IL17RA: variants seen among roughly 807,000 people sequenced by gnomAD.
IL17RA encodes interleukin-17 receptor A.
In IL17RA, 34 loss-of-function variants were observed where a neutral mutation model predicts 50.4. The observed-to-expected ratio is 0.67, with a 90% confidence interval of 0.51 to 0.90. The LOEUF (loss-of-function observed/expected upper bound fraction) is 0.90. Ranked by LOEUF, IL17RA falls within the 40% of genes least tolerant of loss-of-function variation. IL17RA has a pLI of 0.00. For synonymous variants in IL17RA, 585 were observed against 510.4 expected (o/e 1.15, Z -1.97); for missense variants, 1,276 against 1,169.8 (o/e 1.09, Z -1.32).
chr22:17,104,538 C>T (rs1488064125), intron 8 of IL17RA, among the ~76,000 whole-genome samples, 188 bp from the exon 9 acceptor site: 3 of 152,110 alleles, frequency 2.0e-5, no homozygotes, highest in Non-Finnish European at 4.4e-5. Context: ...TGCCTTTCTC[C>T]TGTCTGGTTC....
At chr22:17,086,448 G>T (rs555774257) in intron 1 of IL17RA, among the ~76,000 whole-genome samples, 3 of 152,170 alleles carry the variant, frequency 2.0e-5, no homozygotes, top group Non-Finnish European at 4.4e-5. Context: ...GGCAAAGCAG[G>T]TCCCTCTGCC....
chr22:17,090,398 C>G (rs1161955657), intron 1 of IL17RA, among the ~76,000 whole-genome samples: 1 of 152,210 alleles, frequency 6.6e-6, no homozygotes, highest in Non-Finnish European at 1.5e-5. Flanking sequence ...ACTTTTCAGT[C>G]CTTTCATTTG....
Position 17,105,605 on chromosome 22 carries a change from A to T in IL17RA, c.943+3A>T, listed in dbSNP as rs377254160. On this transcript the variant is annotated splice_donor_region_variant and intron_variant, in intron 10 of 12. Transcript: ENST00000319363. The stretch of plus-strand genomic sequence containing the variant: ...TCTCATTGCAGAACCAATTCCGGGT[A>T]AGCTTGGATCTCTCTCCGACAGCAC... 3.0e-5 allele frequency: 49 copies of T among 1,613,204 alleles called. No individual in the cohort carries two copies. Among genetic ancestry groups the T allele is most frequent in the Non-Finnish European group, 4.2e-5 (49 of 1,179,244 alleles).
intron 1 of IL17RA, among the ~76,000 whole-genome samples, chr22:17,086,602 C>G (rs916815340): frequency 7.9e-5 from 12 of 152,096 alleles, no homozygotes; most frequent in Middle Eastern, 3.2e-3. Context: ...CTCTGGGGAC[C>G]CTAATATCCA....
chr22:17,096,698 G>A (rs184559727), intron 1 of IL17RA, among the ~76,000 whole-genome samples: 10 of 151,844 alleles, frequency 6.6e-5, no homozygotes, highest in South Asian at 2.1e-4. Context: ...GTGAAATCCC[G>A]TCTCTACTAA....
chr22:17,109,577 G>T lies in IL17RA; in HGVS notation c.2358G>T (p.Gln786His). 6.2e-7 allele frequency: 1 copy of T among 1,600,914 alleles called. No individual in the cohort carries two copies. Among genetic ancestry groups the T allele is most frequent in the Non-Finnish European group, 8.5e-7 (1 of 1,173,912 alleles). The change falls in exon 13 of 13, where the codon CAG becomes CAT. Residue 786 changes from glutamine to histidine, a missense_variant. Gln to His is a conservative substitution (Grantham distance 24). Coordinates refer to ENST00000319363, the MANE Select transcript of IL17RA (RefSeq NM_014339.7). ...TDPHTPYEEE[Q>H]RQSVQSDQGY... Reference sequence around the variant, plus strand: ...CACACACGCCCTACGAGGAGGAGCAGCGGCAGTCAGTGCAGTCTGACCAGG... The same window carrying T: ...CACACACGCCCTACGAGGAGGAGCATCGGCAGTCAGTGCAGTCTGACCAGG...
intron 1 of IL17RA, 45 bp from the exon 2 acceptor site, chr22:17,097,017 T>C (rs1285807066): frequency 6.3e-7 from 1 of 1,593,996 alleles, no homozygotes; most frequent in African/African-American, 1.3e-5. Context: ...GCATGTGAAT[T>C]CAAGCCTTTT....
In IL17RA at chr22:17,085,218, T is replaced by G. The variant is rs1229266459; in HGVS notation, c.127T>G (p.Cys43Gly). The G allele has an allele frequency of 3.3e-6, 5 of 1,536,578 alleles. No individual in the cohort carries two copies. The highest frequency in any genetic ancestry group is 4.4e-6 in the Non-Finnish European group (5 of 1,145,458). Reference sequence around the variant, plus strand: ...ACTCCTGGACCACCGGGCGCTGGTCTGCTCCCAGCCGGTGAGACTCGACGT... The same window carrying G: ...ACTCCTGGACCACCGGGCGCTGGTCGGCTCCCAGCCGGTGAGACTCGACGT... ...LRLLDHRALV[C>G]SQPGLNCTVK... Residue 43 changes from cysteine to glycine, a missense_variant, in exon 1 of 13, where the codon TGC becomes GGC. Physicochemically the swap from Cys to Gly is radical, Grantham distance 159 (BLOSUM62 -3). Transcript: ENST00000319363.
Position 17,100,405 on chromosome 22 carries a change from GGTGACC to G in IL17RA, c.477_482del (p.Thr160_Val161del). The G allele has an allele frequency of 6.2e-7, 1 of 1,614,100 alleles. No homozygotes were observed. The highest frequency in any genetic ancestry group is 8.5e-7 in the Non-Finnish European group (1 of 1,179,996). The stretch of plus-strand genomic sequence containing the variant: ...TGGTTGACCCTGACCAGGAATATGA[GGTGACC>G]GTTCACCACCTGCCCAAGCCCATCC... On this transcript the variant is annotated inframe_deletion, in exon 5 of 13. Coordinates refer to ENST00000319363, the MANE Select transcript of IL17RA (RefSeq NM_014339.7).
Position 17,085,013 on chromosome 22 carries a change from C to G in IL17RA, c.-79C>G. 10 of 1,268,328 alleles carry G rather than the reference C, an allele frequency of 7.9e-6. No homozygotes were observed. The highest frequency in any genetic ancestry group is 1.0e-5 in the Non-Finnish European group (10 of 1,003,786). 78.6% of individuals were successfully genotyped at this position (1,268,328 alleles called of 1,614,324 possible). A position where few individuals can be genotyped will look rare whatever the true frequency, so the allele number is the denominator to read the frequency against. ...CAAAGTGGAGCCGACTCGAACTCCACCGCGGAAAAGAAAGCCTCAGAACGT... is the reference window on the plus strand; with the variant it reads ...CAAAGTGGAGCCGACTCGAACTCCAGCGCGGAAAAGAAAGCCTCAGAACGT... On this transcript the variant is annotated 5_prime_UTR_variant, in exon 1 of 13. Transcript: ENST00000319363.
Position 17,112,743 on chromosome 22 carries a change from C to G in IL17RA, c.*2923C>G, listed in dbSNP as rs1390681764. ...GCCACACCTTTATTTTTGTATTATT[C>G]TGAACCATGGCTAATAAATTGTTTC... On this transcript the variant is annotated 3_prime_UTR_variant, in exon 13 of 13. Transcript: ENST00000319363. The G allele has an allele frequency of 6.6e-6, 1 of 152,160 alleles. No homozygotes were observed. Among genetic ancestry groups the G allele is most frequent in the Non-Finnish European group, 1.5e-5 (1 of 68,032 alleles). The allele number at this position is 152,160 out of a possible 1,614,324, so 9.4% of individuals were successfully genotyped here.
rs533468872 is a variant in IL17RA, at chr22:17,109,875, C to A, written c.*55C>A. The A allele has an allele frequency of 4.7e-5, 69 of 1,463,386 alleles. No individual in the cohort carries two copies. The African/African-American group carries it at 8.4e-4, about 18-fold the overall frequency. 90.7% of individuals were successfully genotyped at this position (1,463,386 alleles called of 1,614,324 possible). A position where few individuals can be genotyped will look rare whatever the true frequency, so the allele number is the denominator to read the frequency against. ...CAGCTTTGAGAGAGGAGTGTGTGTG[C>A]ACGTATTCATCTGTGTGTACATGTC... On this transcript the variant is annotated 3_prime_UTR_variant, in exon 13 of 13. Coordinates refer to ENST00000319363, the MANE Select transcript of IL17RA (RefSeq NM_014339.7).
At chr22:17,091,592 G>A (rs945644318) in intron 1 of IL17RA, among the ~76,000 whole-genome samples, 1 of 152,014 alleles carries the variant, frequency 6.6e-6, no homozygotes, top group Admixed American at 6.6e-5. Context: ...GCAGAAGAAT[G>A]GGGGGAACCT....
Position 17,114,835 on chromosome 22 carries a change from A to G in IL17RA, c.*5015A>G, listed in dbSNP as rs2061460489. The G allele has an allele frequency of 6.6e-6, 1 of 152,266 alleles. No individual in the cohort carries two copies. Among genetic ancestry groups the G allele is most frequent in the Non-Finnish European group, 1.5e-5 (1 of 68,056 alleles). The allele number at this position is 152,266 out of a possible 1,614,324, so 9.4% of individuals were successfully genotyped here. On this transcript the variant is annotated 3_prime_UTR_variant, in exon 13 of 13. Coordinates refer to ENST00000319363, the MANE Select transcript of IL17RA (RefSeq NM_014339.7). Reference sequence around the variant, plus strand: ...GGGAGGAAGAAGGGCCTTGGTGCACACTGGCTTTTCTTCCTGACTGCAATG... The same window carrying G: ...GGGAGGAAGAAGGGCCTTGGTGCACGCTGGCTTTTCTTCCTGACTGCAATG...
chr22:17,109,749 C>T lies in IL17RA; in HGVS notation c.2530C>T (p.Leu844Phe). The change falls in exon 13 of 13, where the codon CTT (leucine) becomes TTT (phenylalanine). Residue 844 changes from leucine to phenylalanine, a missense_variant. Coordinates refer to ENST00000319363, the MANE Select transcript of IL17RA (RefSeq NM_014339.7). ...ESLRSLQRQL[L>F]FRQLQKNSGW... ...CCTGAGGAGCCTCCAGCGGCAGCTGCTTTTCCGCCAGCTGCAGAAGAACTC... is the reference window on the plus strand; with the variant it reads ...CCTGAGGAGCCTCCAGCGGCAGCTGTTTTTCCGCCAGCTGCAGAAGAACTC... 1 of 1,560,122 alleles carries T rather than the reference C, an allele frequency of 6.4e-7. No individual in the cohort carries two copies. Among genetic ancestry groups the T allele is most frequent in the Non-Finnish European group, 8.7e-7 (1 of 1,152,492 alleles).
intron 1 of IL17RA, among the ~76,000 whole-genome samples, chr22:17,089,802 G>A (rs2061341397): frequency 6.6e-6 from 1 of 151,958 alleles, no homozygotes; most frequent in Non-Finnish European, 1.5e-5. Flanking sequence ...GCGCCCAAGA[G>A]GTCAACACTG....
At chr22:17,094,689 C>CTATATATATATATATA (rs1435523726) in intron 1 of IL17RA, among the ~76,000 whole-genome samples, 1 of 39,298 alleles carries the variant, frequency 2.5e-5, no homozygotes, top group African/African-American at 1.4e-4. Context: ...CTCTCTCTCT[C>CTATATATATATATATA]TCTATATATA....
At chr22:17,095,671 C>A (rs1429142918) in intron 1 of IL17RA, among the ~76,000 whole-genome samples, 1 of 151,656 alleles carries the variant, frequency 6.6e-6, no homozygotes, top group South Asian at 2.1e-4. Flanking sequence ...TTAATCTTCT[C>A]GCCATTTAGG....
chr22:17,087,938 A>T (rs41354447), intron 1 of IL17RA, among the ~76,000 whole-genome samples: 2,320 of 152,128 alleles, frequency 0.015, 106 homozygotes, highest in Admixed American at 0.1. Flanking sequence ...GCTCAGTTTA[A>T]CCCCTTTATC....
Sources: gnomAD v4.1 joint callset for allele counts (sites outside exome capture counted in the v4.1 genomes callset) on GRCh38, gnomAD v4.1.1 for gene constraint, MANE v1.5 for transcripts, NCBI Gene and HGNC (gene_info 2026-07-23, HGNC 2026-07-21) for gene names.